The following MACROD2 variants were observed in gnomAD, a reference collection of about 807,000 sequenced individuals.
The protein encoded by MACROD2 is mono-ADP ribosylhydrolase 2, also known as ADP-ribose glycohydrolase MACROD2.
MACROD2 carries 36 observed loss-of-function variants against 70.4 expected under a neutral mutation model. The ratio of observed to expected loss-of-function variants is 0.51; its 90% confidence interval spans 0.39 to 0.68. The LOEUF is 0.68. MACROD2 is among the 30% of genes least tolerant of loss of function. MACROD2 has a pLI of 0.00. For synonymous variants in MACROD2, 172 were observed against 178.8 expected, an observed-to-expected ratio of 0.96 and a Z score of 0.30; for missense variants, 496 against 538.4, an observed-to-expected ratio of 0.92 and a Z score of 0.78.
chr20:15,999,341 G>A (rs2066678178), intron 15 of MACROD2, among the ~76,000 whole-genome samples: 2 of 152,048 alleles, frequency 1.3e-5, no homozygotes, highest in South Asian at 4.1e-4. Context: ...TTTGTGATGA[G>A]AAAAAATACT....
intron 8 of MACROD2, among the ~76,000 whole-genome samples, chr20:15,725,408 G>A (rs552847067): frequency 6.6e-6 from 1 of 152,138 alleles, no homozygotes. Flanking sequence ...ATACAGGAAA[G>A]CAATTGACTT....
intron 5 of MACROD2, among the ~76,000 whole-genome samples, chr20:14,845,596 G>A (rs2073131508): frequency 6.6e-6 from 1 of 152,130 alleles, no homozygotes; most frequent in South Asian, 2.1e-4. Context: ...TCCCAGCAAT[G>A]CACTTCAAAG....
intron 6 of MACROD2, among the ~76,000 whole-genome samples, chr20:15,320,412 T>C (rs2077862153): frequency 6.6e-6 from 1 of 152,190 alleles, no homozygotes; most frequent in South Asian, 2.1e-4. Flanking sequence ...TGTTCTTGAA[T>C]TTATCTGAAT....
At chr20:15,430,807 CTAAA>C (rs1316297844) in intron 6 of MACROD2, among the ~76,000 whole-genome samples, 3 of 151,826 alleles carry the variant, frequency 2.0e-5, no homozygotes, top group Admixed American at 6.6e-5. Flanking sequence ...ATTATACATT[CTAAA>C]TAGTTTTTTG....
At chr20:15,714,893 G>A (rs529223749) in intron 8 of MACROD2, among the ~76,000 whole-genome samples, 73 of 152,144 alleles carry the variant, frequency 4.8e-4, no homozygotes, top group Middle Eastern at 3.4e-3. Context: ...AATTGTGTAT[G>A]TGTATCTTGT....
intron 6 of MACROD2, among the ~76,000 whole-genome samples, chr20:15,275,793 A>T (rs1431743023): frequency 6.6e-6 from 1 of 152,196 alleles, no homozygotes; most frequent in African/African-American, 2.4e-5. Flanking sequence ...GTCTCTTAGC[A>T]TTGAAGGTTC....
At chr20:15,977,918 T>C (rs1235094677) in intron 13 of MACROD2, among the ~76,000 whole-genome samples, 1 of 152,208 alleles carries the variant, frequency 6.6e-6, no homozygotes, top group Non-Finnish European at 1.5e-5. Context: ...TTATGATTCT[T>C]GAAAGCAGAA....
intron 5 of MACROD2, among the ~76,000 whole-genome samples, chr20:14,801,967 C>T (rs1259261064): frequency 4.6e-5 from 7 of 152,098 alleles, no homozygotes; most frequent in African/African-American, 1.7e-4. Flanking sequence ...TACAGGGGGT[C>T]AATATCAGTG....
intron 5 of MACROD2, among the ~76,000 whole-genome samples, chr20:15,076,000 T>C (rs1032093784): frequency 6.6e-6 from 1 of 152,226 alleles, no homozygotes; most frequent in Non-Finnish European, 1.5e-5. Context: ...AAAGGCGATA[T>C]GTGTTAACTA....
intron 5 of MACROD2, among the ~76,000 whole-genome samples, chr20:14,986,695 G>T (rs560566520): frequency 3.9e-5 from 6 of 152,260 alleles, no homozygotes; most frequent in African/African-American, 1.4e-4. Context: ...TCAGCTAAAA[G>T]ATAATTTGCC....
chr20:14,838,979 C>T (rs946098706), intron 5 of MACROD2, among the ~76,000 whole-genome samples: 4 of 152,000 alleles, frequency 2.6e-5, no homozygotes, highest in African/African-American at 9.7e-5. Context: ...GTAATAGAAG[C>T]CATATGCTGT....
chr20:15,525,105 G>A (rs375090023), intron 8 of MACROD2, among the ~76,000 whole-genome samples: 6 of 152,224 alleles, frequency 3.9e-5, no homozygotes, highest in Middle Eastern at 3.4e-3. Context: ...CTCAGCATTC[G>A]GCCATTTCCA....
intron 12 of MACROD2, among the ~76,000 whole-genome samples, chr20:15,963,285 G>T (rs1334865400): frequency 1.3e-5 from 2 of 151,142 alleles, no homozygotes; most frequent in African/African-American, 4.9e-5. Context: ...GTTTTTTTTT[G>T]GTTCAGACCC....
intron 3 of MACROD2, among the ~76,000 whole-genome samples, chr20:14,353,981 C>T (rs1050708740): frequency 1.3e-5 from 2 of 152,116 alleles, no homozygotes; most frequent in African/African-American, 2.4e-5. Context: ...GTCAAGTCGG[C>T]AATCTGCAGT....
chr20:14,587,891 A>G (rs942172640), intron 4 of MACROD2, among the ~76,000 whole-genome samples: 1 of 152,116 alleles, frequency 6.6e-6, no homozygotes, highest in Non-Finnish European at 1.5e-5. Context: ...GAATGTTGAC[A>G]AATGAATACA....
rs184463242 is a variant in MACROD2, at chr20:14,283,801, T to C, written c.271+198073T>C. On this transcript the variant is annotated intron_variant, in intron 3 of 17. Transcript: ENST00000684519. Reference sequence around the variant, plus strand: ...AGGAATGAGCCACCATGCCCAGCCATACAAAAGAGAAGAATTTTTTAAAAC... The same window carrying C: ...AGGAATGAGCCACCATGCCCAGCCACACAAAAGAGAAGAATTTTTTAAAAC... 2.0e-5 allele frequency among the ~76,000 whole-genome samples: 3 copies of C among 152,186 alleles called. No individual in the cohort carries two copies. In the East Asian group the frequency reaches 5.8e-4, roughly 29 times the overall value.
At chr20:14,090,394 G>A (rs1273139673) in intron 3 of MACROD2, among the ~76,000 whole-genome samples, 1 of 152,018 alleles carries the variant, frequency 6.6e-6, no homozygotes, top group African/African-American at 2.4e-5. Flanking sequence ...CCAAGATGGT[G>A]AAACCCCGTC....
intron 8 of MACROD2, among the ~76,000 whole-genome samples, chr20:15,585,293 G>A (rs940567008): frequency 1.3e-5 from 2 of 151,748 alleles, no homozygotes; most frequent in Non-Finnish European, 2.9e-5. Flanking sequence ...CGCCTCCTGG[G>A]TTCAAGCAAT....
At chr20:15,669,182 T>C (rs943513785) in intron 8 of MACROD2, among the ~76,000 whole-genome samples, 2 of 152,190 alleles carry the variant, frequency 1.3e-5, no homozygotes, top group Non-Finnish European at 2.9e-5. Flanking sequence ...GGAAACACAT[T>C]GTACACGGGT....
Sources: allele counts gnomAD v4.1 joint callset (sites outside exome capture counted in the v4.1 genomes callset), GRCh38; gene constraint gnomAD v4.1.1; transcripts MANE v1.5; gene names NCBI Gene and HGNC (gene_info 2026-07-23, HGNC 2026-07-21).